The following METTL15 variants were observed in gnomAD, a reference collection of about 807,000 sequenced individuals.
METTL15 encodes the protein 12S rRNA N(4)-cytidine methyltransferase METTL15.
METTL15 carries 34 observed loss-of-function variants against 38.3 expected under a neutral mutation model. The ratio of observed to expected loss-of-function variants is 0.89; its 90% CI spans 0.68 to 1.18. The LOEUF is 1.18. Ranked by LOEUF, METTL15 falls within the 50% of genes most tolerant of loss-of-function variation. The probability of loss-of-function intolerance (pLI) is 0.00; values close to 1 mark genes in which losing one functional copy is unlikely to be tolerated. For synonymous variants in METTL15, 162 were observed against 170.9 expected (o/e 0.95, Z 0.41); for missense variants, 438 against 498.4 (o/e 0.88, Z 1.15).
chr11:28,317,869 G>C (rs570835559), intron 6 of METTL15, among the ~76,000 whole-genome samples: 1 of 152,196 alleles, frequency 6.6e-6, no homozygotes, highest in South Asian at 2.1e-4. Flanking sequence ...CATGAAACAG[G>C]GTTCTCAATC....
chr11:28,399,596 A>G (rs1850610006), intron 5 of METTL15, among the ~76,000 whole-genome samples: 1 of 151,960 alleles, frequency 6.6e-6, no homozygotes, highest in Admixed American at 6.6e-5. Flanking sequence ...ATTCTACAGT[A>G]TAGTAGTGAC....
At chr11:28,252,885 A>G (rs1021896230) in intron 4 of METTL15, among the ~76,000 whole-genome samples, 1 of 152,052 alleles carries the variant, frequency 6.6e-6, no homozygotes, top group Non-Finnish European at 1.5e-5. Flanking sequence ...CATCCTCACT[A>G]CTTTACTGAA....
chr11:28,220,783 C>T (rs747604021), intron 4 of METTL15, among the ~76,000 whole-genome samples: 4 of 152,196 alleles, frequency 2.6e-5, no homozygotes, highest in African/African-American at 9.6e-5. Flanking sequence ...TCAGTATTTG[C>T]TTGTCTGTAA....
chr11:28,259,236 C>T (rs530443966), intron 4 of METTL15, among the ~76,000 whole-genome samples: 8 of 152,116 alleles, frequency 5.3e-5, no homozygotes, highest in Non-Finnish European at 1.5e-5. Context: ...GCTATGGCTA[C>T]GCTGGTTTCC....
At chr11:28,143,533 T>C (rs1203934424) in intron 3 of METTL15, among the ~76,000 whole-genome samples, 1 of 152,160 alleles carries the variant, frequency 6.6e-6, no homozygotes, top group African/African-American at 2.4e-5. Context: ...TCATCCTTCT[T>C]CTTTTGTACT....
intron 3 of METTL15, among the ~76,000 whole-genome samples, chr11:28,123,510 A>C (rs911903811): frequency 2.0e-5 from 3 of 152,038 alleles, no homozygotes; most frequent in African/African-American, 7.2e-5. Context: ...ATGTTCTGTA[A>C]ACTCTCTTTT....
chr11:28,231,968 G>C (rs1168776503), intron 4 of METTL15, among the ~76,000 whole-genome samples: 1 of 151,846 alleles, frequency 6.6e-6, no homozygotes, highest in African/African-American at 2.4e-5. Flanking sequence ...TGGATGGCTA[G>C]ATGAATAAAT....
intron 3 of METTL15, among the ~76,000 whole-genome samples, chr11:28,208,819 T>G (rs1852490347): frequency 1.3e-5 from 2 of 152,016 alleles, no homozygotes; most frequent in Admixed American, 1.3e-4. Flanking sequence ...ACTAATTGGC[T>G]CCCTTTTCAA....
chr11:28,413,077 GAACA>G (rs1201372741), intron 5 of METTL15, among the ~76,000 whole-genome samples: 1 of 151,580 alleles, frequency 6.6e-6, no homozygotes, highest in Admixed American at 6.6e-5. Flanking sequence ...AGTTTTTTTA[GAACA>G]AATATGTTTT....
intron 6 of METTL15, chr11:28,517,047 A>T (rs1245536364): frequency 6.6e-6 from 1 of 152,238 alleles, no homozygotes; most frequent in African/African-American, 2.4e-5. Context: ...GAACATCGAA[A>T]CATTTCATCT....
At chr11:28,486,540 C>G (rs1351523863) in intron 6 of METTL15, among the ~76,000 whole-genome samples, 1 of 152,080 alleles carries the variant, frequency 6.6e-6, no homozygotes, top group Non-Finnish European at 1.5e-5. Flanking sequence ...TTCAATGTTT[C>G]TGTTTAGCCT....
intron 6 of METTL15, among the ~76,000 whole-genome samples, chr11:28,309,675 G>A (rs928428602): frequency 6.6e-6 from 1 of 152,002 alleles, no homozygotes; most frequent in Non-Finnish European, 1.5e-5. Flanking sequence ...TCTGGTTCTC[G>A]TTTATTTTCT....
At chr11:28,184,600 C>A (rs1851424841) in intron 3 of METTL15, among the ~76,000 whole-genome samples, 1 of 150,910 alleles carries the variant, frequency 6.6e-6, no homozygotes, top group Admixed American at 6.6e-5. Flanking sequence ...TGAAGGATAA[C>A]ACGTTTAAAT....
chr11:28,119,245 C>T (rs1264611307), intron 3 of METTL15, among the ~76,000 whole-genome samples: 1 of 152,168 alleles, frequency 6.6e-6, no homozygotes, highest in African/African-American at 2.4e-5. Flanking sequence ...AGATTGCCCT[C>T]CATGAAGCCA....
At chr11:28,318,406 A>G (rs969743170) in intron 6 of METTL15, among the ~76,000 whole-genome samples, 3 of 152,104 alleles carry the variant, frequency 2.0e-5, no homozygotes, top group Admixed American at 6.6e-5. Context: ...CCTGGAGAAG[A>G]CAGCACATTA....
chr11:28,111,135 C>G (rs1455822206), intron 2 of METTL15, among the ~76,000 whole-genome samples: 24 of 152,260 alleles, frequency 1.6e-4, no homozygotes, highest in African/African-American at 2.4e-5. Flanking sequence ...CACCCTTTCT[C>G]CAGGTTGACT....
chr11:28,389,384 C>A (rs1345397700), intron 5 of METTL15, among the ~76,000 whole-genome samples: 1 of 109,166 alleles, frequency 9.2e-6, no homozygotes, highest in African/African-American at 3.6e-5. Flanking sequence ...CTCCCCCCTC[C>A]CCCCACCCCA....
At chr11:28,342,045 T>C (rs1849957260) in intron 3 of METTL15, among the ~76,000 whole-genome samples, 1 of 152,116 alleles carries the variant, frequency 6.6e-6, no homozygotes. Flanking sequence ...CTTCAATGTC[T>C]GAAAGGTGTA....
intron 5 of METTL15, among the ~76,000 whole-genome samples, chr11:28,375,440 T>C (rs1408498449): frequency 6.6e-6 from 1 of 151,988 alleles, no homozygotes; most frequent in African/African-American, 2.4e-5. Context: ...CTAGATTTTC[T>C]AGTTTATTTG....
Sources: allele counts gnomAD v4.1 joint callset (sites outside exome capture counted in the v4.1 genomes callset), GRCh38; gene constraint gnomAD v4.1.1; transcripts MANE v1.5; gene names NCBI Gene and HGNC (gene_info 2026-07-23, HGNC 2026-07-21).